Variants in RPS12 observed in about 807,000 individuals in gnomAD.
The protein encoded by RPS12 is ribosomal protein S12.
A neutral mutation model predicts 17.2 loss-of-function variants in RPS12; 1 was observed. That is an observed-to-expected ratio of 0.06 (90% CI 0.02 to 0.28). The LOEUF is 0.28. Among genes scored for constraint, RPS12 ranks in the 10% least tolerant of loss-of-function variants. RPS12 has a pLI of 1.00. For missense variants in RPS12, 146 were observed against 162.1 expected, an observed-to-expected ratio of 0.90 and a Z score of 0.54; for synonymous variants, 67 against 54.0, an observed-to-expected ratio of 1.24 and a Z score of -1.06.
intron 5 of RPS12, 98 bp from the exon 6 acceptor site, chr6:132,817,382 T>C (rs1334498646): frequency 3.5e-6 from 3 of 865,332 alleles, no homozygotes; most frequent in Admixed American, 3.4e-5. Context: ...TTATAAGACA[T>C]AGCTAATTGT....
intron 2 of RPS12, 83 bp from the exon 3 acceptor site, chr6:132,814,889 G>A: frequency 1.4e-6 from 2 of 1,413,194 alleles, no homozygotes; most frequent in South Asian, 1.2e-5. Context: ...AAGCGCGTCT[G>A]TTGTACACTT....
intron 3 of RPS12, 65 bp from the exon 4 acceptor site, chr6:132,816,396 A>C: frequency 7.9e-7 from 1 of 1,263,802 alleles, no homozygotes; most frequent in Non-Finnish European, 1.1e-6. Flanking sequence ...AACCCTCCTA[A>C]AATGCAAGAA....
chr6:132,814,737 T>C lies in RPS12; in HGVS notation c.-32T>C. 2 of 1,612,354 alleles carry C rather than the reference T, an allele frequency of 1.2e-6. No individual in the cohort carries two copies. The highest frequency in any genetic ancestry group is 2.2e-5 in the South Asian group (2 of 91,018). ...TCAATGCTTTTGTTTTTTAGTGCGT[T>C]CAAGATTCAACTTCACCCGTAACCC... On this transcript the variant is annotated 5_prime_UTR_variant, in exon 2 of 6. Transcript: ENST00000230050.
Position 132,817,025 on chromosome 6 carries a change from C to G in RPS12, c.300C>G (p.Pro100=). The G allele has an allele frequency of 1.2e-6, 2 of 1,612,138 alleles. No individual in the cohort carries two copies. The highest frequency in any genetic ancestry group is 1.3e-5 in the African/African-American group (1 of 74,902). The change falls in exon 5 of 6, where the codon CCC becomes CCG. Residue 100 remains proline, a synonymous_variant. Coordinates refer to ENST00000230050, the MANE Select transcript of RPS12 (RefSeq NM_001016.4). ...GLCKIDREGK[P]RKVVGCSCVV... is the part of the protein sequence containing the mutation. ...GTAAAATTGACAGAGAGGGGAAACC[C>G]CGTAAAGTGGTTGGTTGCAGTTGTG...
rs1227799899 is a variant in RPS12 at position 132,814,872 on chromosome 6, T to TCGC, written c.14+93_14+95dup. On this transcript the variant is annotated intron_variant, in intron 2 of 5. Coordinates refer to ENST00000230050, the MANE Select transcript of RPS12 (RefSeq NM_001016.4). The stretch of plus-strand genomic sequence containing the variant: ...GCGGAACAGGACTGGGTCAAACGGG[T>TCGC]CGCCGTAAGCGCGTCTGTTGTACAC... The TCGC allele has an allele frequency of 1.3e-5, 19 of 1,446,552 alleles. No homozygotes were observed. In the East Asian group the frequency reaches 3.9e-4, roughly 29 times the overall value. The allele number at this position is 1,446,552 out of a possible 1,614,324, so 89.6% of individuals were successfully genotyped here.
Position 132,814,737 on chromosome 6 carries a change from T to A in RPS12, c.-32T>A. On this transcript the variant is annotated 5_prime_UTR_variant, in exon 2 of 6. Coordinates refer to ENST00000230050, the MANE Select transcript of RPS12 (RefSeq NM_001016.4). Reference sequence around the variant, plus strand: ...TCAATGCTTTTGTTTTTTAGTGCGTTCAAGATTCAACTTCACCCGTAACCC... The same window carrying A: ...TCAATGCTTTTGTTTTTTAGTGCGTACAAGATTCAACTTCACCCGTAACCC... 6.2e-7 allele frequency: 1 copy of A among 1,612,354 alleles called. No homozygotes were observed. The highest frequency in any genetic ancestry group is 8.5e-7 in the Non-Finnish European group (1 of 1,178,580).
rs184057803 is a variant in RPS12, at chr6:132,814,629, C to T, written c.-38+16C>T. 1,090 of 1,039,638 alleles carry T rather than the reference C, an allele frequency of 1.0e-3. 11 individuals carry two copies. In the African/African-American group the frequency reaches 0.014, roughly 13 times the overall value. The allele number at this position is 1,039,638 out of a possible 1,614,324, so 64.4% of individuals were successfully genotyped here. ...GAGGCTTGGGGTAAGTTGAGCGAGG[C>T]GGCAGGGGGGTGTATTGGTTATAAT... is the stretch of plus-strand genomic sequence containing the variant. On this transcript the variant is annotated intron_variant, in intron 1 of 5. Coordinates refer to ENST00000230050, the MANE Select transcript of RPS12 (RefSeq NM_001016.4).
intron 3 of RPS12, 59 bp downstream of exon 3, chr6:132,815,147 A>C: frequency 9.4e-7 from 1 of 1,058,730 alleles, no homozygotes; most frequent in Non-Finnish European, 1.5e-6. Context: ...CTGCCACCCA[A>C]GGGAAGAAGG....
chr6:132,816,264 G>T (rs912746088), intron 3 of RPS12, among the ~76,000 whole-genome samples, 197 bp from the exon 4 acceptor site: 4 of 152,194 alleles, frequency 2.6e-5, no homozygotes, highest in Non-Finnish European at 4.4e-5. Flanking sequence ...CTGAAGACCA[G>T]TTGTAGGTTA....
Position 132,814,715 on chromosome 6 carries a change from A to T in RPS12, c.-37-17A>T. On this transcript the variant is annotated splice_polypyrimidine_tract_variant and intron_variant, in intron 1 of 5. Transcript: ENST00000230050. Reference sequence around the variant, plus strand: ...GAGTATCTGGTTCTTTAACAAGTCAATGCTTTTGTTTTTTAGTGCGTTCAA... The same window carrying T: ...GAGTATCTGGTTCTTTAACAAGTCATTGCTTTTGTTTTTTAGTGCGTTCAA... 1.1e-5 allele frequency: 18 copies of T among 1,601,090 alleles called. No individual in the cohort carries two copies. Among genetic ancestry groups the T allele is most frequent in the Non-Finnish European group, 1.5e-5 (18 of 1,168,830 alleles).
At chr6:132,815,842 T>C (rs1348561626) in intron 3 of RPS12, 1 of 430,230 alleles carries the variant, frequency 2.3e-6, no homozygotes, top group Non-Finnish European at 4.5e-6. Context: ...TTTTTTTCTT[T>C]TTTCTTTTTT....
Position 132,814,866 on chromosome 6 carries a change from A to G in RPS12, c.14+84A>G, listed in dbSNP as rs1052308800. 23 of 1,460,324 alleles carry G rather than the reference A, an allele frequency of 1.6e-5. No individual in the cohort carries two copies. The East Asian group carries it at 3.6e-4, about 23-fold the overall frequency. The allele number at this position is 1,460,324 out of a possible 1,614,324, so 90.5% of individuals were successfully genotyped here. A position where few individuals can be genotyped will look rare whatever the true frequency, so the allele number is the denominator to read the frequency against. On this transcript the variant is annotated intron_variant, in intron 2 of 5. Transcript: ENST00000230050. ...GAGCTGGCGGAACAGGACTGGGTCA[A>G]ACGGGTCGCCGTAAGCGCGTCTGTT...
intron 3 of RPS12, chr6:132,815,378 A>G (rs761990634): frequency 3.4e-6 from 2 of 596,862 alleles, no homozygotes; most frequent in Non-Finnish European, 6.4e-6. Flanking sequence ...AGTCTGACAA[A>G]CCTGTAGGTT....
At chr6:132,814,921 C>G (rs569919528) in intron 2 of RPS12, 51 bp from the exon 3 acceptor site, 1 of 1,430,492 alleles carries the variant, frequency 7.0e-7, no homozygotes, top group Non-Finnish European at 9.9e-7. Flanking sequence ...AGTGCAAGGC[C>G]TTATGTGGTG....
At chr6:132,816,166 C>T (rs974026933) in intron 3 of RPS12, 5 of 478,916 alleles carry the variant, frequency 1.0e-5, no homozygotes, top group Admixed American at 3.4e-5. Flanking sequence ...ATGAAGCTGG[C>T]TTACAAGAAA....
At chr6:132,817,195 A>G (rs1010229875) in intron 5 of RPS12, 134 bp downstream of exon 5, 8 of 781,972 alleles carry the variant, frequency 1.0e-5, no homozygotes, top group Non-Finnish European at 1.8e-5. Flanking sequence ...GCATTTCAGG[A>G]AAAAAATAAA....
At chr6:132,817,390 T>C in intron 5 of RPS12, 90 bp from the exon 6 acceptor site, 1 of 887,028 alleles carries the variant, frequency 1.1e-6, no homozygotes. Context: ...CATAGCTAAT[T>C]GTTGAAGCTC....
At chr6:132,814,909 T>C in intron 2 of RPS12, 63 bp from the exon 3 acceptor site, 1 of 1,409,656 alleles carries the variant, frequency 7.1e-7, no homozygotes, top group Non-Finnish European at 1.0e-6. Context: ...TAGCTTTTGC[T>C]GAGTGCAAGG....
chr6:132,814,810 G>C (rs779015522), intron 2 of RPS12, 28 bp downstream of exon 2: 2 of 1,604,596 alleles, frequency 1.2e-6, no homozygotes, highest in Non-Finnish European at 8.5e-7. Flanking sequence ...GGTTGGAGTT[G>C]GGGTCGGGGT....
Sources: gnomAD v4.1 joint callset for allele counts (sites outside exome capture counted in the v4.1 genomes callset) on GRCh38, gnomAD v4.1.1 for gene constraint, MANE v1.5 for transcripts, NCBI Gene and HGNC (gene_info 2026-07-23, HGNC 2026-07-21) for gene names.